The following TECR variants were observed in gnomAD, a reference collection of about 807,000 sequenced individuals.
The protein encoded by TECR is trans-2,3-enoyl-CoA reductase.
In TECR, 19 loss-of-function variants were observed where a neutral mutation model predicts 50.6. That is an observed-to-expected ratio of 0.38 (90% CI 0.26 to 0.55). The LOEUF (loss-of-function observed/expected upper bound fraction) is 0.55. Among genes scored for constraint, TECR ranks in the 20% least tolerant of loss-of-function variants. The pLI is 0.79. For missense variants in TECR, 313 were observed against 408.3 expected, an observed-to-expected ratio of 0.77 and a Z score of 2.01; for synonymous variants, 168 against 163.5, an observed-to-expected ratio of 1.03 and a Z score of -0.21.
At chr19:14,561,776 T>A (rs1412998156) in intron 1 of TECR, among the ~76,000 whole-genome samples, 1 of 152,180 alleles carries the variant, frequency 6.6e-6, no homozygotes, top group Non-Finnish European at 1.5e-5. Flanking sequence ...ATCTGTCACC[T>A]CCCTGGTAAC....
At chr19:14,556,764 T>C (rs2073740921) in intron 1 of TECR, among the ~76,000 whole-genome samples, 1 of 152,216 alleles carries the variant, frequency 6.6e-6, no homozygotes, top group Admixed American at 6.5e-5. Flanking sequence ...GCTTTGGGAC[T>C]GTTCCTGAGC....
Position 14,563,081 on chromosome 19 carries a change from C to G in TECR, c.67-125C>G. ...CCCTGACTGCAGGCAGAGGCCTGGA[C>G]CCCAGCCCTTCCCCCTTCCCATAGC... On this transcript the variant is annotated intron_variant, in intron 2 of 12. Coordinates refer to ENST00000215567, the MANE Select transcript of TECR (RefSeq NM_138501.6). The surrounding 1 kb of genome is among the most constrained non-coding windows in gnomAD (Gnocchi z 5.3). 1 of 1,230,948 alleles carries G rather than the reference C, an allele frequency of 8.1e-7. No individual in the cohort carries two copies. Among genetic ancestry groups the G allele is most frequent in the Admixed American group, 2.0e-5 (1 of 50,818 alleles). 76.3% of individuals were successfully genotyped at this position (1,230,948 alleles called of 1,614,324 possible).
Position 14,565,655 on chromosome 19 carries a change from G to C in TECR, c.791G>C (p.Cys264Ser), listed in dbSNP as rs1185059852. ...SWIGFAIMTQ[C>S]LPVALFSLVG... ...ATCGGTTTCGCCATCATGACGCAGT[G>C]TCTCCCAGGTGAGCCTGCCGCCCTC... The change falls in exon 12 of 13, where the codon TGT (cysteine) becomes TCT (serine). Residue 264 changes from cysteine to serine, a missense_variant. Coordinates refer to ENST00000215567, the MANE Select transcript of TECR (RefSeq NM_138501.6). The C allele has an allele frequency of 1.9e-6, 3 of 1,612,380 alleles. No homozygotes were observed. The highest frequency in any genetic ancestry group is 2.5e-6 in the Non-Finnish European group (3 of 1,179,764).
At chr19:14,536,867 C>T (rs2072916295) in intron 1 of TECR, among the ~76,000 whole-genome samples, 1 of 151,626 alleles carries the variant, frequency 6.6e-6, no homozygotes, top group Non-Finnish European at 1.5e-5. Context: ...TGGAAAGCCT[C>T]AGCTTGGTGC....
At chr19:14,539,894 T>C (rs1028757531) in intron 1 of TECR, among the ~76,000 whole-genome samples, 3 of 150,334 alleles carry the variant, frequency 2.0e-5, no homozygotes, top group African/African-American at 4.9e-5. Context: ...TTTTTTTTTT[T>C]TCTGAGACGG....
rs1033335249 is a variant in TECR at position 14,563,185 on chromosome 19, C to T, written c.67-21C>T. The T allele has an allele frequency of 1.2e-6, 2 of 1,613,928 alleles. No homozygotes were observed. The highest frequency in any genetic ancestry group is 1.3e-5 in the African/African-American group (1 of 74,994). On this transcript the variant is annotated intron_variant, in intron 2 of 12. Transcript: ENST00000215567. This position sits in a 1 kb window ranked among gnomAD's most constrained non-coding sequence, Gnocchi z 5.3. ...TGGGCTCCCCGCAGAGCTGACGTCC[C>T]TGCGCCTGTGCTTCCCCCAGGTGGA...
Position 14,563,284 on chromosome 19 carries a change from C to T in TECR, c.118+27C>T, listed in dbSNP as rs777616566. The T allele has an allele frequency of 1.9e-6, 3 of 1,587,668 alleles. No homozygotes were observed. Among genetic ancestry groups the T allele is most frequent in the Non-Finnish European group, 1.7e-6 (2 of 1,155,948 alleles). On this transcript the variant is annotated intron_variant, in intron 3 of 12. Coordinates refer to ENST00000215567, the MANE Select transcript of TECR (RefSeq NM_138501.6). The surrounding 1 kb of genome is among the most constrained non-coding windows in gnomAD (Gnocchi z 5.3). ...TGAGTTCTAGTCCCGGCCACACTGC[C>T]CCTGCAACCCCTTTGACCAGGGACC...
intron 1 of TECR, among the ~76,000 whole-genome samples, chr19:14,552,902 G>A (rs535273502): frequency 6.6e-6 from 1 of 152,116 alleles, no homozygotes; most frequent in African/African-American, 2.4e-5. Context: ...TAGGTACAGG[G>A]TGAGCATCTG....
rs1335166848 is a variant in TECR at position 14,563,327 on chromosome 19, C to CCAT, written c.118+72_118+74dup. On this transcript the variant is annotated intron_variant, in intron 3 of 12. Transcript: ENST00000215567. This position sits in a 1 kb window ranked among gnomAD's most constrained non-coding sequence, Gnocchi z 5.3. ...CAGGGACCTTAGGGTGGGAGGGATC[C>CCAT]CATCCTGCACCCCTCTCCCAGGGGC... is the stretch of plus-strand genomic sequence containing the variant. 1.5e-6 allele frequency: 2 copies of CCAT among 1,370,442 alleles called. No individual in the cohort carries two copies. The highest frequency in any genetic ancestry group is 2.1e-6 in the Non-Finnish European group (2 of 973,722). The allele number at this position is 1,370,442 out of a possible 1,614,324, so 84.9% of individuals were successfully genotyped here. A position where few individuals can be genotyped will look rare whatever the true frequency, so the allele number is the denominator to read the frequency against.
intron 7 of TECR, 119 bp from the exon 8 acceptor site, chr19:14,564,667 C>A: frequency 8.8e-7 from 1 of 1,139,574 alleles, no homozygotes; most frequent in Non-Finnish European, 1.3e-6. Flanking sequence ...CCCAGCCCCG[C>A]CCCAAGGCCC....
At chr19:14,541,490 C>T (rs1379755940) in intron 1 of TECR, among the ~76,000 whole-genome samples, 3 of 152,244 alleles carry the variant, frequency 2.0e-5, no homozygotes, top group African/African-American at 7.2e-5. Context: ...GTTTTCCAGT[C>T]CATCACTTAT....
intron 1 of TECR, among the ~76,000 whole-genome samples, chr19:14,536,924 A>G (rs1453724549): frequency 7.8e-6 from 1 of 128,812 alleles, no homozygotes; most frequent in Non-Finnish European, 1.6e-5. Context: ...GGCCCTACTC[A>G]CCTCTGGACC....
In TECR at chr19:14,563,355, G is replaced by A. The variant is rs2073962188; in HGVS notation, c.118+98G>A. 1 of 1,200,234 alleles carries A rather than the reference G, an allele frequency of 8.3e-7. No homozygotes were observed. The highest frequency in any genetic ancestry group is 1.2e-6 in the Non-Finnish European group (1 of 821,962). 74.3% of individuals were successfully genotyped at this position (1,200,234 alleles called of 1,614,324 possible). ...TCCTGCACCCCTCTCCCAGGGGCCT[G>A]CAGAGATGCCCCAGTGTGGCCCAGG... is the stretch of plus-strand genomic sequence containing the variant. On this transcript the variant is annotated intron_variant, in intron 3 of 12. Coordinates refer to ENST00000215567, the MANE Select transcript of TECR (RefSeq NM_138501.6). This position sits in a 1 kb window ranked among gnomAD's most constrained non-coding sequence, Gnocchi z 5.3.
intron 1 of TECR, among the ~76,000 whole-genome samples, chr19:14,556,367 C>T (rs974836569): frequency 2.0e-5 from 3 of 151,366 alleles, no homozygotes; most frequent in East Asian, 1.9e-4. Flanking sequence ...GAGCCGAGAT[C>T]GCGCCACTGC....
chr19:14,557,467 T>G (rs1045549172), intron 1 of TECR, among the ~76,000 whole-genome samples: 1 of 150,086 alleles, frequency 6.7e-6, no homozygotes, highest in Non-Finnish European at 1.5e-5. Context: ...TTTTTTAAAT[T>G]TTGAGATGGA....
At chr19:14,529,087 T>C (rs561757817), upstream of TECR, 40 of 156,740 alleles carry the variant, frequency 2.6e-4, 1 homozygote, top group South Asian at 6.4e-3. Context: ...GTTTCGCCTT[T>C]CCTTCCCTCC....
At chr19:14,562,491 C>T in intron 1 of TECR, 34 bp from the exon 2 acceptor site, 1 of 1,614,026 alleles carries the variant, frequency 6.2e-7, no homozygotes, top group Non-Finnish European at 8.5e-7. Flanking sequence ...CAAAGGTGGC[C>T]AAGAAACCTA....
At chr19:14,529,914 C>A (rs559207042) in intron 1 of TECR, 1 of 739,738 alleles carries the variant, frequency 1.4e-6, no homozygotes, top group Non-Finnish European at 2.3e-6. Flanking sequence ...AATCTGCAAC[C>A]CAGGCTGTTT....
At chr19:14,565,541 G>T in intron 11 of TECR, 77 bp from the exon 12 acceptor site, 4 of 1,556,810 alleles carry the variant, frequency 2.6e-6, no homozygotes, top group Non-Finnish European at 3.5e-6. Context: ...GCGGCGGGAG[G>T]TGGCTGGCTG....
Sources: allele counts gnomAD v4.1 joint callset (sites outside exome capture counted in the v4.1 genomes callset), GRCh38; gene constraint gnomAD v4.1.1; non-coding constraint Gnocchi (gnomAD v3.1); transcripts MANE v1.5; gene names NCBI Gene and HGNC (gene_info 2026-07-23, HGNC 2026-07-21).